The following IPO5 variants were observed in gnomAD, a reference collection of about 807,000 sequenced individuals.
The protein encoded by IPO5 is importin-5.
A neutral mutation model predicts 143.3 loss-of-function variants in IPO5; 18 were observed. The ratio of observed to expected loss-of-function variants is 0.13; its 90% CI spans 0.09 to 0.19. The LOEUF is 0.19. Among genes scored for constraint, IPO5 ranks in the 10% least tolerant of loss-of-function variants. IPO5 has a pLI of 1.00. For missense variants in IPO5, 1,013 were observed against 1,336.9 expected (o/e 0.76, Z 3.78); for synonymous variants, 477 against 465.7 (o/e 1.02, Z -0.31).
chr13:97,992,838 T>C, intron 9 of IPO5, 54 bp from the exon 10 acceptor site: 1 of 1,543,468 alleles, frequency 6.5e-7, no homozygotes, highest in Non-Finnish European at 8.8e-7. Flanking sequence ...TTTTGGCTAA[T>C]GAGGCATTAT....
intron 2 of IPO5, among the ~76,000 whole-genome samples, chr13:97,963,554 C>G (rs138409637): frequency 4.1e-4 from 62 of 151,790 alleles, no homozygotes; most frequent in Middle Eastern, 6.8e-3. Context: ...TATTTTAGTA[C>G]AGATGGGGTT....
chr13:98,018,834 T>C lies in IPO5; in HGVS notation c.2836+130T>C, dbSNP rs1034875127. On this transcript the variant is annotated intron_variant, in intron 26 of 28. Transcript: ENST00000651721. Reference sequence around the variant, plus strand: ...GTAGTCTGTTTTCAGACATCTCATCTGTAGCATTTAGGATTTTAGATGATA... The same window carrying C: ...GTAGTCTGTTTTCAGACATCTCATCCGTAGCATTTAGGATTTTAGATGATA... The C allele has an allele frequency of 5.9e-5, 38 of 647,826 alleles. No homozygotes were observed. The African/African-American group carries it at 6.2e-4, about 11-fold the overall frequency. 40.1% of individuals were successfully genotyped at this position (647,826 alleles called of 1,614,324 possible).
chr13:97,965,176 A>G (rs1395216622), intron 2 of IPO5, among the ~76,000 whole-genome samples: 3 of 151,692 alleles, frequency 2.0e-5, no homozygotes, highest in Admixed American at 6.6e-5. Flanking sequence ...AACATCACAC[A>G]CCAGGGCCTG....
In IPO5 at chr13:97,992,931, C is replaced by A; in HGVS notation, c.709C>A (p.Leu237Ile). The A allele has an allele frequency of 6.2e-7, 1 of 1,613,742 alleles. No individual in the cohort carries two copies. The highest frequency in any genetic ancestry group is 1.3e-5 in the African/African-American group (1 of 75,036). ...GTGCTACCAGAATGATGATTCTGTC[C>A]TAAAATCCCTCGTTGAGATTGCAGA... ...DSCYQNDDSV[L>I]KSLVEIADTV... Residue 237 changes from leucine to isoleucine, a missense_variant, in exon 10 of 29, where the codon CTA becomes ATA. Around this residue, in one of 2 missense-constraint regions of IPO5, gnomAD observed 328 missense variants for 342.0 expected, o/e 0.96. Transcript: ENST00000651721.
chr13:98,004,804 T>C (rs1889078483), intron 16 of IPO5, among the ~76,000 whole-genome samples: 1 of 152,040 alleles, frequency 6.6e-6, no homozygotes, highest in Non-Finnish European at 1.5e-5. Flanking sequence ...CTGCTGAGAG[T>C]GTGGGTGTAA....
intron 18 of IPO5, among the ~76,000 whole-genome samples, chr13:98,009,592 G>T (rs1376655212): frequency 2.0e-5 from 3 of 152,172 alleles, no homozygotes; most frequent in Non-Finnish European, 4.4e-5. Context: ...TGATTCAGAT[G>T]CTAAGAAAGA....
intron 6 of IPO5, 94 bp downstream of exon 6, chr13:97,985,707 G>A (rs1887283341): frequency 1.3e-6 from 1 of 787,798 alleles, no homozygotes; most frequent in Non-Finnish European, 2.1e-6. Context: ...AGATTCATAA[G>A]TACCTGAGTA....
chr13:98,013,333 C>G (rs1176256971), intron 21 of IPO5, among the ~76,000 whole-genome samples: 1 of 152,144 alleles, frequency 6.6e-6, no homozygotes, highest in African/African-American at 2.4e-5. Context: ...CCCACATCTG[C>G]GTTCCAATAT....
chr13:98,002,340 T>TAC, intron 13 of IPO5, 127 bp from the exon 14 acceptor site: 2 of 798,074 alleles, frequency 2.5e-6, no homozygotes, highest in Non-Finnish European at 3.9e-6. Flanking sequence ...ATATTATATA[T>TAC]ACATATACCC....
At position 98,014,146 on chromosome 13, in the gene IPO5, C is replaced by T. The variant is rs754670674; in HGVS notation, c.2257C>T (p.Leu753=). The T allele has an allele frequency of 6.2e-7, 1 of 1,613,516 alleles. No homozygotes were observed. The highest frequency in any genetic ancestry group is 8.5e-7 in the Non-Finnish European group (1 of 1,179,548). Residue 753 remains leucine (L), a synonymous_variant, in exon 22 of 29, where the codon CTA becomes TTA. Transcript: ENST00000651721. ...TQMWHFMCDA[L]IKAIGTEPDS... is the part of the protein sequence containing the mutation. ...GATGTGGCATTTTATGTGTGATGCT[C>T]TAATTAAGGCCATTGGTACAGAACC...
chr13:97,974,285 A>C (rs1886073380), intron 3 of IPO5, among the ~76,000 whole-genome samples: 2 of 151,822 alleles, frequency 1.3e-5, no homozygotes. Context: ...TAGTCATTTG[A>C]ATGAGTTGTT....
intron 12 of IPO5, among the ~76,000 whole-genome samples, chr13:97,999,743 T>C (rs1016277672): frequency 6.6e-6 from 1 of 152,230 alleles, no homozygotes; most frequent in Non-Finnish European, 1.5e-5. Context: ...CACATAGCTA[T>C]GCATAGTTTT....
intron 8 of IPO5, 85 bp from the exon 9 acceptor site, chr13:97,990,348 G>C: frequency 8.3e-7 from 1 of 1,202,396 alleles, no homozygotes; most frequent in South Asian, 1.3e-5. Flanking sequence ...TACTGATAAA[G>C]AATAATTTGA....
At chr13:97,989,707 G>A (rs1249027805) in intron 7 of IPO5, among the ~76,000 whole-genome samples, 1 of 152,124 alleles carries the variant, frequency 6.6e-6, no homozygotes, top group Non-Finnish European at 1.5e-5. Flanking sequence ...TTTAGGCTTT[G>A]TATCATTTTG....
chr13:97,976,055 T>A, intron 3 of IPO5: 1 of 717,804 alleles, frequency 1.4e-6, no homozygotes, highest in Non-Finnish European at 1.7e-6. Context: ...AAGGGCTGGA[T>A]CCCAGGGAGC....
chr13:97,994,256 C>T (rs1324448871), intron 11 of IPO5, among the ~76,000 whole-genome samples: 1 of 151,964 alleles, frequency 6.6e-6, no homozygotes, highest in Non-Finnish European at 1.5e-5. Context: ...TGCAGTGAGC[C>T]CAGACCATGC....
At chr13:97,957,577 G>A (rs1398978310) in intron 2 of IPO5, among the ~76,000 whole-genome samples, 1 of 152,072 alleles carries the variant, frequency 6.6e-6, no homozygotes, top group East Asian at 1.9e-4. Flanking sequence ...TTAGTTGGTA[G>A]GAGGCCTAAA....
At chr13:98,016,707 T>TTTA in intron 24 of IPO5, 22 bp from the exon 25 acceptor site, 3 of 1,291,232 alleles carry the variant, frequency 2.3e-6, no homozygotes, top group Non-Finnish European at 3.2e-6. Context: ...CATATGAGTG[T>TTTA]TTATGTGTAT....
At chr13:97,996,265 G>A (rs1296799970) in intron 11 of IPO5, among the ~76,000 whole-genome samples, 1 of 152,108 alleles carries the variant, frequency 6.6e-6, no homozygotes, top group African/African-American at 2.4e-5. Flanking sequence ...TGCCCAGGCT[G>A]GTCTTGAACT....
Sources: allele counts gnomAD v4.1 joint callset (sites outside exome capture counted in the v4.1 genomes callset), GRCh38; gene constraint gnomAD v4.1.1; regional missense constraint gnomAD v4.1.1; transcripts MANE v1.5; gene names NCBI Gene and HGNC (gene_info 2026-07-23, HGNC 2026-07-21).